ZPLD1: variants seen among roughly 807,000 people sequenced by gnomAD.
ZPLD1 encodes zona pellucida like domain containing 1.
Under a neutral mutation model 47.2 loss-of-function variants are expected in ZPLD1, and 34 were observed. That is an observed-to-expected ratio of 0.72 (90% CI 0.55 to 0.96). The LOEUF (loss-of-function observed/expected upper bound fraction) is 0.96, where lower values mean the gene tolerates loss of function less well. Ranked by LOEUF, ZPLD1 falls within the 40% of genes least tolerant of loss-of-function variation. The pLI is 0.00. For synonymous variants in ZPLD1, 176 were observed against 186.2 expected (o/e 0.95, Z 0.45); for missense variants, 512 against 505.8 (o/e 1.01, Z -0.12).
chr3:102,421,027 A>C (rs1226103394), intron 8 of ZPLD1, among the ~76,000 whole-genome samples: 1 of 151,946 alleles, frequency 6.6e-6, no homozygotes, highest in Non-Finnish European at 1.5e-5. Context: ...CTTTGTTTGT[A>C]AAGTTAGGAT....
upstream of ZPLD1, among the ~76,000 whole-genome samples, chr3:102,434,530 A>T (rs1707057453): frequency 6.6e-6 from 1 of 152,126 alleles, no homozygotes; most frequent in Non-Finnish European, 1.5e-5. Context: ...AACACTTCTG[A>T]ATTTCTTAAA....
chr3:102,450,887 C>T lies in ZPLD1; in HGVS notation c.107-2032C>T, dbSNP rs766279416. On this transcript the variant is annotated intron_variant, in intron 3 of 11. Coordinates refer to ENST00000466937, the MANE Select transcript of ZPLD1 (RefSeq NM_001329788.2). ...GAAAAAAGTATCATTTAGAAATTAT[C>T]TTTGCATTTAAATAGTTAATGTTGC... Among the ~76,000 whole-genome samples, 6 of 152,066 alleles carry T rather than the reference C, an allele frequency of 3.9e-5. No individual in the cohort carries two copies. In the South Asian group the frequency reaches 6.2e-4, roughly 16 times the overall value.
At chr3:102,409,969 A>T (rs1448893211) in intron 7 of ZPLD1, among the ~76,000 whole-genome samples, 3 of 151,818 alleles carry the variant, frequency 2.0e-5, no homozygotes, top group East Asian at 3.9e-4. Flanking sequence ...CAAGGCTAAC[A>T]ACATTGATTA....
At chr3:102,442,863 T>C (rs1707202599) in intron 3 of ZPLD1, among the ~76,000 whole-genome samples, 1 of 152,192 alleles carries the variant, frequency 6.6e-6, no homozygotes, top group African/African-American at 2.4e-5. Context: ...CATTTAATTT[T>C]AGAGGTGGTT....
At chr3:102,422,165 C>T (rs1706887623) in intron 8 of ZPLD1, among the ~76,000 whole-genome samples, 1 of 152,006 alleles carries the variant, frequency 6.6e-6, no homozygotes, top group Admixed American at 6.6e-5. Flanking sequence ...ACTTGAAAAT[C>T]TGCAGTGGAT....
In ZPLD1 at chr3:102,456,183, A is replaced by AT. The variant is rs1389950762; in HGVS notation, c.328-8dup. On this transcript the variant is annotated splice_polypyrimidine_tract_variant and intron_variant, in intron 4 of 11. Transcript: ENST00000466937. ...ATTTAATCATTAAACTGCATCTAAC[A>AT]TTCTAACAGGTATCCACAATTCCTG... 1 of 1,607,650 alleles carries AT rather than the reference A, an allele frequency of 6.2e-7. No individual in the cohort carries two copies. The highest frequency in any genetic ancestry group is 1.1e-5 in the South Asian group (1 of 89,556).
rs79909838 is a variant in ZPLD1 at position 102,463,671 on chromosome 3, T to A, written c.681-500T>A. ...AGGCATGCATGTGAAATAAGCAGGA[T>A]GGAATAAGAGAAAGTTTTAATGAAC... is the stretch of plus-strand genomic sequence containing the variant. On this transcript the variant is annotated intron_variant, in intron 7 of 11. Transcript: ENST00000466937. Among the ~76,000 whole-genome samples, 3 of 152,154 alleles carry A rather than the reference T, an allele frequency of 2.0e-5. No homozygotes were observed. In the East Asian group the frequency reaches 5.8e-4, roughly 29 times the overall value.
intron 8 of ZPLD1, among the ~76,000 whole-genome samples, chr3:102,426,111 TACACACACACACACACACATGCAC>T (rs1055009178): frequency 6.9e-6 from 1 of 144,128 alleles, no homozygotes; most frequent in Non-Finnish European, 1.5e-5. Flanking sequence ...ACATATTTCC[TACACACACACACACACACATGCAC>T]ACACACACAC....
intron 7 of ZPLD1, among the ~76,000 whole-genome samples, chr3:102,399,755 T>C (rs1184861552): frequency 6.6e-6 from 1 of 152,090 alleles, no homozygotes; most frequent in Non-Finnish European, 1.5e-5. Context: ...AATTACTGGA[T>C]CAAAGACTAT....
chr3:102,391,977 A>C (rs1351110121), intron 6 of ZPLD1, among the ~76,000 whole-genome samples: 6 of 152,200 alleles, frequency 3.9e-5, no homozygotes, highest in Non-Finnish European at 4.4e-5. Context: ...GCCATTGAAA[A>C]GAAAAACCCT....
chr3:102,405,961 T>G (rs1706676421), intron 7 of ZPLD1, among the ~76,000 whole-genome samples: 1 of 152,130 alleles, frequency 6.6e-6, no homozygotes, highest in East Asian at 1.9e-4. Flanking sequence ...CTATTCTACA[T>G]CACTTAAAAG....
At chr3:102,420,881 C>T (rs956039288) in intron 8 of ZPLD1, among the ~76,000 whole-genome samples, 1 of 151,860 alleles carries the variant, frequency 6.6e-6, no homozygotes, top group Admixed American at 6.6e-5. Flanking sequence ...GGCTAAGCCA[C>T]AAGAAGAGTA....
At chr3:102,424,872 C>A (rs1051542220) in intron 8 of ZPLD1, among the ~76,000 whole-genome samples, 1 of 152,148 alleles carries the variant, frequency 6.6e-6, no homozygotes, top group Non-Finnish European at 1.5e-5. Context: ...AACCAATATT[C>A]TAGCACATTA....
At chr3:102,392,469 T>TGCACCAGG (rs1479022700) in intron 7 of ZPLD1, among the ~76,000 whole-genome samples, 4 of 152,010 alleles carry the variant, frequency 2.6e-5, no homozygotes, top group African/African-American at 9.7e-5. Context: ...GGGTATCACA[T>TGCACCAGG]GTGCTAATAT....
chr3:102,460,130 T>C (rs975985078), intron 6 of ZPLD1, among the ~76,000 whole-genome samples: 1 of 152,066 alleles, frequency 6.6e-6, no homozygotes, highest in East Asian at 1.9e-4. Flanking sequence ...TATTAACATG[T>C]AGCTAGCCAG....
intron 6 of ZPLD1, among the ~76,000 whole-genome samples, chr3:102,386,116 A>G (rs931100246): frequency 4.6e-5 from 7 of 152,150 alleles, no homozygotes; most frequent in African/African-American, 1.7e-4. Flanking sequence ...CCAATGCAAA[A>G]CACATAAATT....
intron 7 of ZPLD1, among the ~76,000 whole-genome samples, chr3:102,393,750 T>G (rs1214921905): frequency 2.6e-5 from 4 of 152,130 alleles, no homozygotes; most frequent in African/African-American, 9.7e-5. Context: ...CTACTATCAC[T>G]TTGCCAATTG....
intron 6 of ZPLD1, chr3:102,385,360 C>T (rs1174671023): frequency 6.6e-6 from 1 of 152,164 alleles, no homozygotes; most frequent in Non-Finnish European, 1.5e-5. Context: ...TCACCCACAA[C>T]TGGTACTACA....
chr3:102,475,266 G>A (rs1296890587), intron 10 of ZPLD1, among the ~76,000 whole-genome samples: 1 of 152,036 alleles, frequency 6.6e-6, no homozygotes. Context: ...CCTCATTAAT[G>A]ACAACTGAGA....
Sources: allele counts gnomAD v4.1 joint callset (sites outside exome capture counted in the v4.1 genomes callset), GRCh38; gene constraint gnomAD v4.1.1; transcripts MANE v1.5; gene names NCBI Gene and HGNC (gene_info 2026-07-23, HGNC 2026-07-21).